The following NOS1AP variants were observed in gnomAD, a reference collection of about 807,000 sequenced individuals.
NOS1AP encodes the protein carboxyl-terminal PDZ ligand of neuronal nitric oxide synthase protein.
In NOS1AP, 21 loss-of-function variants were observed where a neutral mutation model predicts 56.2. The observed-to-expected ratio is 0.37, with a 90% CI of 0.26 to 0.54. The LOEUF (loss-of-function observed/expected upper bound fraction) is 0.54. Among genes scored for constraint, NOS1AP ranks in the 20% least tolerant of loss-of-function variants. The probability of loss-of-function intolerance (pLI) is 0.84; values close to 1 mark genes in which losing one functional copy is unlikely to be tolerated. For synonymous variants in NOS1AP, 270 were observed against 274.6 expected (o/e 0.98, Z 0.17); for missense variants, 522 against 657.8 (o/e 0.79, Z 2.26).
intron 1 of NOS1AP, among the ~76,000 whole-genome samples, chr1:162,093,822 G>C (rs1692183161): frequency 6.6e-6 from 1 of 152,076 alleles, no homozygotes; most frequent in African/African-American, 2.4e-5. Context: ...CAAAGTGTTG[G>C]GATTACAGGC....
chr1:162,344,736 A>G (rs895823486), intron 6 of NOS1AP, among the ~76,000 whole-genome samples: 3 of 152,168 alleles, frequency 2.0e-5, no homozygotes, highest in Non-Finnish European at 4.4e-5. Flanking sequence ...GAAGGAGACA[A>G]TAAATGTGAA....
rs920879075 is a variant in NOS1AP, at chr1:162,369,835, A to T, written c.*2368A>T. ...ACCAGCGCATACTTGGTGTGTGGAG[A>T]TGGGAGACAAAGGACAGATCTAGGA... is the stretch of plus-strand genomic sequence containing the variant. On this transcript the variant is annotated 3_prime_UTR_variant, in exon 10 of 10. Coordinates refer to ENST00000361897, the MANE Select transcript of NOS1AP (RefSeq NM_014697.3). 1 of 152,108 alleles carries T rather than the reference A, an allele frequency of 6.6e-6. No homozygotes were observed. The highest frequency in any genetic ancestry group is 2.4e-5 in the African/African-American group (1 of 41,338). 9.4% of individuals were successfully genotyped at this position (152,108 alleles called of 1,614,324 possible). A position where few individuals can be genotyped will look rare whatever the true frequency, so the allele number is the denominator to read the frequency against.
chr1:162,152,580 A>T (rs943637289), intron 1 of NOS1AP, among the ~76,000 whole-genome samples: 2 of 152,214 alleles, frequency 1.3e-5, no homozygotes, highest in African/African-American at 4.8e-5. Flanking sequence ...ATCAGATCTA[A>T]GTGGTTTTGT....
intron 2 of NOS1AP, among the ~76,000 whole-genome samples, chr1:162,245,248 C>T (rs955749322): frequency 1.4e-4 from 21 of 152,112 alleles, no homozygotes; most frequent in Admixed American, 5.9e-4. Flanking sequence ...CCAAAGAAGA[C>T]ATAAAGATGG....
At chr1:162,083,801 C>T (rs1691943321) in intron 1 of NOS1AP, among the ~76,000 whole-genome samples, 1 of 152,088 alleles carries the variant, frequency 6.6e-6, no homozygotes, top group Non-Finnish European at 1.5e-5. Context: ...AATAAAAATA[C>T]AGAGGCGCAG....
At chr1:162,337,833 A>G (rs1381668425) in intron 5 of NOS1AP, among the ~76,000 whole-genome samples, 1 of 152,212 alleles carries the variant, frequency 6.6e-6, no homozygotes, top group Non-Finnish European at 1.5e-5. Context: ...ACCTCAACCA[A>G]ATTATATAAT....
chr1:162,173,106 A>G (rs991876994), intron 2 of NOS1AP, among the ~76,000 whole-genome samples: 7 of 152,094 alleles, frequency 4.6e-5, no homozygotes, highest in African/African-American at 1.7e-4. Flanking sequence ...TTTTTTGTGT[A>G]TGTTGATGCA....
intron 3 of NOS1AP, among the ~76,000 whole-genome samples, chr1:162,295,151 C>T (rs186305859): frequency 3.9e-5 from 6 of 152,306 alleles, no homozygotes; most frequent in Non-Finnish European, 7.3e-5. Context: ...GAGGTGCTGA[C>T]AGCTTTAGAG....
At chr1:162,078,869 C>T (rs1400498826) in intron 1 of NOS1AP, among the ~76,000 whole-genome samples, 1 of 152,158 alleles carries the variant, frequency 6.6e-6, no homozygotes, top group Admixed American at 6.5e-5. Flanking sequence ...GTTACCAGTC[C>T]CACCTGCTTT....
intron 1 of NOS1AP, among the ~76,000 whole-genome samples, chr1:162,144,828 A>G (rs897361200): frequency 5.3e-5 from 8 of 152,162 alleles, no homozygotes; most frequent in Non-Finnish European, 4.4e-5. Context: ...TCAGATCCTC[A>G]TAATAGAAAT....
chr1:162,127,892 T>C (rs1193620317), intron 1 of NOS1AP, among the ~76,000 whole-genome samples: 2 of 152,100 alleles, frequency 1.3e-5, no homozygotes, highest in Non-Finnish European at 2.9e-5. Context: ...CCAAACCATA[T>C]CACTAAGAAT....
At chr1:162,139,183 T>C (rs1340684605) in intron 1 of NOS1AP, among the ~76,000 whole-genome samples, 1 of 152,162 alleles carries the variant, frequency 6.6e-6, no homozygotes. Context: ...TTAGTTGTTA[T>C]TTTCTTGGGA....
chr1:162,213,841 C>T (rs542910937), intron 2 of NOS1AP, among the ~76,000 whole-genome samples: 5 of 152,242 alleles, frequency 3.3e-5, no homozygotes, highest in Non-Finnish European at 7.3e-5. Context: ...ATGCCTGTTG[C>T]AATGAAGCTT....
intron 1 of NOS1AP, among the ~76,000 whole-genome samples, chr1:162,099,789 G>A (rs1227089466): frequency 1.3e-5 from 2 of 149,652 alleles, no homozygotes; most frequent in Non-Finnish European, 1.5e-5. Context: ...CCACTCCCCC[G>A]ACCCCACAAC....
In NOS1AP at chr1:162,179,924, T is replaced by C. The variant is rs1472655451; in HGVS notation, c.177+25448T>C. Among the ~76,000 whole-genome samples the C allele has an allele frequency of 3.3e-5, 5 of 152,240 alleles. No individual in the cohort carries two copies. The South Asian group carries it at 1.0e-3, about 32-fold the overall frequency. On this transcript the variant is annotated intron_variant, in intron 2 of 9. Coordinates refer to ENST00000361897, the MANE Select transcript of NOS1AP (RefSeq NM_014697.3). ...TCTAGAGGTGATGCAGAGGATGGATTGGGAGGAGAAAAGGCCGGACACCAT... is the reference window on the plus strand; with the variant it reads ...TCTAGAGGTGATGCAGAGGATGGATCGGGAGGAGAAAAGGCCGGACACCAT...
intron 2 of NOS1AP, among the ~76,000 whole-genome samples, chr1:162,244,917 A>G (rs1190819407): frequency 2.6e-5 from 4 of 152,330 alleles, no homozygotes; most frequent in Admixed American, 2.6e-4. Flanking sequence ...GTATACATGC[A>G]TTTGAGTAAC....
chr1:162,182,114 T>G (rs1175035268), intron 2 of NOS1AP, among the ~76,000 whole-genome samples: 1 of 152,202 alleles, frequency 6.6e-6, no homozygotes, highest in African/African-American at 2.4e-5. Context: ...CTGGAGAGAT[T>G]TGAACACAAA....
At chr1:162,266,441 A>G (rs1654427887) in intron 2 of NOS1AP, among the ~76,000 whole-genome samples, 1 of 152,222 alleles carries the variant, frequency 6.6e-6, no homozygotes, top group African/African-American at 2.4e-5. Flanking sequence ...TGTTAGATGG[A>G]TGTGGCAGTC....
In NOS1AP at chr1:162,287,484, G is replaced by A. The variant is rs116539387; in HGVS notation, c.270+48G>A. 2,360 of 1,237,700 alleles carry A rather than the reference G, an allele frequency of 1.9e-3. 39 individuals carry two copies. The African/African-American group carries it at 0.031, about 16-fold the overall frequency. 76.7% of individuals were successfully genotyped at this position (1,237,700 alleles called of 1,614,324 possible). A position where few individuals can be genotyped will look rare whatever the true frequency, so the allele number is the denominator to read the frequency against. On this transcript the variant is annotated intron_variant, in intron 3 of 9. Coordinates refer to ENST00000361897, the MANE Select transcript of NOS1AP (RefSeq NM_014697.3). ...CTGAGGTGAAGAGGAAAGCAGGGGA[G>A]GTAGGCATGGGGTACCTTCTTCTTC...
Sources: gnomAD v4.1 joint callset for allele counts (sites outside exome capture counted in the v4.1 genomes callset) on GRCh38, gnomAD v4.1.1 for gene constraint, MANE v1.5 for transcripts, NCBI Gene and HGNC (gene_info 2026-07-23, HGNC 2026-07-21) for gene names.